Variants in DPY19L3 observed in about 807,000 individuals in gnomAD.
DPY19L3 encodes the protein protein C-mannosyl-transferase DPY19L3.
A neutral mutation model predicts 92.3 loss-of-function variants in DPY19L3; 51 were observed. That is an observed-to-expected ratio of 0.55 (90% CI 0.44 to 0.70). The LOEUF is 0.70. Among genes scored for constraint, DPY19L3 ranks in the 30% least tolerant of loss-of-function variants. The pLI, the probability that DPY19L3 is intolerant of heterozygous loss-of-function variation, is 0.00. For missense variants in DPY19L3, 706 were observed against 855.9 expected (o/e 0.82, Z 2.18); for synonymous variants, 309 against 315.2 (o/e 0.98, Z 0.21).
chr19:32,444,997 G>A (rs570866311), intron 8 of DPY19L3, among the ~76,000 whole-genome samples: 1 of 150,902 alleles, frequency 6.6e-6, no homozygotes, highest in South Asian at 2.1e-4. Context: ...GGAGGCTGAA[G>A]TGGGAGAAAT....
At chr19:32,410,962 G>A (rs1568321322) in intron 2 of DPY19L3, among the ~76,000 whole-genome samples, 1 of 152,116 alleles carries the variant, frequency 6.6e-6, no homozygotes, top group Non-Finnish European at 1.5e-5. Context: ...CCGGACAGAG[G>A]CCCTCAGTAT....
chr19:32,427,948 G>C (rs968626665), intron 3 of DPY19L3: 1 of 149,572 alleles, frequency 6.7e-6, no homozygotes, highest in African/African-American at 2.5e-5. Flanking sequence ...TATTTTGGGG[G>C]ACAATTTTTG....
intron 3 of DPY19L3, among the ~76,000 whole-genome samples, chr19:32,415,222 A>G (rs1484090956): frequency 6.6e-6 from 1 of 152,214 alleles, no homozygotes; most frequent in Non-Finnish European, 1.5e-5. Flanking sequence ...TGAGATAGAG[A>G]GCACTGTGGG....
chr19:32,416,639 G>A (rs932523992), intron 3 of DPY19L3, among the ~76,000 whole-genome samples: 8 of 152,304 alleles, frequency 5.3e-5, no homozygotes, highest in Admixed American at 4.6e-4. Flanking sequence ...CGAGCCAAAG[G>A]GAGTGACACA....
intron 3 of DPY19L3, among the ~76,000 whole-genome samples, chr19:32,430,425 T>A (rs2058874): frequency 0.57 from 85,871 of 151,790 alleles, 24,817 homozygotes; most frequent in East Asian, 0.63. Flanking sequence ...GGCCTTTTTT[T>A]AAATGCTTGA....
chr19:32,413,924 A>C (rs564689496), intron 3 of DPY19L3, among the ~76,000 whole-genome samples: 4 of 152,024 alleles, frequency 2.6e-5, no homozygotes, highest in Admixed American at 2.6e-4. Flanking sequence ...TGGGCCTACT[A>C]TGTTGCCCAG....
chr19:32,434,288 A>G lies in DPY19L3; in HGVS notation c.328+1482A>G, dbSNP rs142127504. On this transcript the variant is annotated intron_variant, in intron 4 of 18. Coordinates refer to ENST00000392250, the MANE Select transcript of DPY19L3 (RefSeq NM_001172774.2). ...TCTGCCTCCTTGTCTCGGCTCTCAC[A>G]CTGCAGTGTCCTTTTCAGAAAGTCT... Among the ~76,000 whole-genome samples, 6 of 152,138 alleles carry G rather than the reference A, an allele frequency of 3.9e-5. No homozygotes were observed. In the East Asian group the frequency reaches 7.7e-4, roughly 20 times the overall value.
At chr19:32,468,651 CT>C (rs2145613282) in intron 15 of DPY19L3, 79 bp from the exon 16 acceptor site, 10 of 1,564,506 alleles carry the variant, frequency 6.4e-6, no homozygotes, top group East Asian at 2.3e-5. Flanking sequence ...TGCAGTTTAT[CT>C]TTTTTTCATT....
chr19:32,459,716 G>T (rs1969978138), intron 12 of DPY19L3, among the ~76,000 whole-genome samples: 1 of 152,136 alleles, frequency 6.6e-6, no homozygotes. Flanking sequence ...TGCTCTGTGT[G>T]AATCTATGAG....
chr19:32,480,632 A>C (rs1970646099), intron 18 of DPY19L3, 75 bp downstream of exon 18: 2 of 1,487,910 alleles, frequency 1.3e-6, no homozygotes, highest in Admixed American at 4.5e-5. Flanking sequence ...AAGAATGTGA[A>C]TCTTTTTATC....
rs1968349885 is a variant in DPY19L3 at position 32,415,531 on chromosome 19, A to C, written c.237+4159A>C. Reference sequence around the variant, plus strand: ...TCTGTCTTCTCTGTCTCAAAGATAGAACTCTCTCTGAATGTATTATAGTAG... The same window carrying C: ...TCTGTCTTCTCTGTCTCAAAGATAGCACTCTCTCTGAATGTATTATAGTAG... On this transcript the variant is annotated intron_variant, in intron 3 of 18. Transcript: ENST00000392250. 2.0e-5 allele frequency among the ~76,000 whole-genome samples: 3 copies of C among 152,166 alleles called. No homozygotes were observed. The East Asian group carries it at 5.8e-4, about 29-fold the overall frequency.
At chr19:32,464,917 T>C (rs1412786807) in intron 15 of DPY19L3, 133 bp downstream of exon 15, 1 of 427,148 alleles carries the variant, frequency 2.3e-6, no homozygotes, top group Non-Finnish European at 4.1e-6. Context: ...AGCTTCTTAC[T>C]GAAGGTGACA....
intron 16 of DPY19L3, among the ~76,000 whole-genome samples, chr19:32,474,982 T>G (rs75572230): frequency 6.6e-6 from 1 of 152,340 alleles, no homozygotes; most frequent in African/African-American, 2.4e-5. Flanking sequence ...AAGAACGTTA[T>G]AACTCCCTAG....
intron 3 of DPY19L3, 58 bp downstream of exon 3, chr19:32,411,430 C>A (rs1387229758): frequency 6.3e-7 from 1 of 1,588,968 alleles, no homozygotes; most frequent in East Asian, 2.2e-5. Context: ...AGTAGTAAGC[C>A]ATGTGGATGA....
At chr19:32,407,343 C>G (rs1968006131) in intron 1 of DPY19L3, among the ~76,000 whole-genome samples, 1 of 151,182 alleles carries the variant, frequency 6.6e-6, no homozygotes. Context: ...GTCATCACCA[C>G]TGAGGCGTAT....
intron 18 of DPY19L3, 24 bp downstream of exon 18, chr19:32,480,581 G>A (rs758784673): frequency 2.5e-6 from 4 of 1,603,532 alleles, no homozygotes; most frequent in Middle Eastern, 1.7e-4. Flanking sequence ...CTCTCCCTGT[G>A]TGGGGGTCTC....
chr19:32,464,147 T>C (rs1335118664), intron 14 of DPY19L3, among the ~76,000 whole-genome samples, 167 bp downstream of exon 14: 1 of 151,580 alleles, frequency 6.6e-6, no homozygotes, highest in Non-Finnish European at 1.5e-5. Flanking sequence ...TTTAAAATAA[T>C]TTTATTTTAA....
chr19:32,434,519 C>T (rs139047857), intron 4 of DPY19L3, among the ~76,000 whole-genome samples: 4,800 of 152,118 alleles, frequency 0.032, 96 homozygotes, highest in Middle Eastern at 0.088. Flanking sequence ...ATTAGCCGGG[C>T]GTAGTGGCGC....
At chr19:32,478,067 A>G (rs1970565497) in intron 17 of DPY19L3, among the ~76,000 whole-genome samples, 1 of 152,180 alleles carries the variant, frequency 6.6e-6, no homozygotes, top group South Asian at 2.1e-4. Context: ...CCAGGTCCCT[A>G]CCACATCATG....
Sources: allele counts gnomAD v4.1 joint callset (sites outside exome capture counted in the v4.1 genomes callset), GRCh38; gene constraint gnomAD v4.1.1; transcripts MANE v1.5; gene names NCBI Gene and HGNC (gene_info 2026-07-23, HGNC 2026-07-21).